Variants in PTPRG observed in about 807,000 individuals in gnomAD.
The protein encoded by PTPRG is protein tyrosine phosphatase receptor type G.
A neutral mutation model predicts 165.3 loss-of-function variants in PTPRG; 102 were observed. That is an observed-to-expected ratio of 0.62 (90% CI 0.53 to 0.73). PTPRG has a LOEUF of 0.73. Among genes scored for constraint, PTPRG ranks in the 30% least tolerant of loss-of-function variants. PTPRG has a pLI of 0.00. For synonymous variants in PTPRG, 675 were observed against 669.5 expected (o/e 1.01, Z -0.13); for missense variants, 1,866 against 1,861.4 (o/e 1.00, Z -0.05).
intron 1 of PTPRG, among the ~76,000 whole-genome samples, chr3:61,618,999 A>T (rs1701378943): frequency 7.7e-6 from 1 of 129,456 alleles, no homozygotes; most frequent in Admixed American, 8.0e-5. Flanking sequence ...AAAAAAAAAA[A>T]GTTAAAAACT....
chr3:62,116,658 G>A (rs1270136966), intron 5 of PTPRG, among the ~76,000 whole-genome samples: 1 of 152,116 alleles, frequency 6.6e-6, no homozygotes, highest in African/African-American at 2.4e-5. Flanking sequence ...GGAAATTTTT[G>A]TCTTCATCTG....
In PTPRG at chr3:62,124,321, G is replaced by T. The variant is rs1267110400; in HGVS notation, c.616-8281G>T. 1.9e-6 allele frequency: 3 copies of T among 1,609,618 alleles called. No individual in the cohort carries two copies. In the African/African-American group the frequency reaches 4.0e-5, roughly 22 times the overall value. ...TGGTCAGCGGCATCCTGGATGCCTG[G>T]TTCTGCCCGGGTCTCTGGTGATGCA... On this transcript the variant is annotated intron_variant, in intron 5 of 29. Coordinates refer to ENST00000474889, the MANE Select transcript of PTPRG (RefSeq NM_002841.4).
intron 2 of PTPRG, among the ~76,000 whole-genome samples, chr3:61,815,547 G>A (rs1382374088): frequency 6.6e-6 from 1 of 152,132 alleles, no homozygotes; most frequent in Non-Finnish European, 1.5e-5. Context: ...TCTCTCATTT[G>A]ATCTAATCAG....
chr3:61,774,219 A>G (rs530528218), intron 2 of PTPRG, among the ~76,000 whole-genome samples: 36 of 152,354 alleles, frequency 2.4e-4, no homozygotes, highest in Admixed American at 5.2e-4. Flanking sequence ...CAAAGTGCAG[A>G]TGAGTTTGAT....
At chr3:61,681,878 A>G (rs1289000860) in intron 1 of PTPRG, among the ~76,000 whole-genome samples, 8 of 152,146 alleles carry the variant, frequency 5.3e-5, no homozygotes, top group Admixed American at 3.3e-4. Context: ...GGCCGGGCGC[A>G]GTGGCTCACT....
rs142239273 is a variant in PTPRG at position 61,643,812 on chromosome 3, G to C, written c.85+81440G>C. Among the ~76,000 whole-genome samples the C allele has an allele frequency of 2.5e-3, 378 of 152,032 alleles. 4 individuals are homozygous for C. Among genetic ancestry groups the C allele is most frequent in the Non-Finnish European group, 4.3e-3 (295 of 67,980 alleles). ...CACTGTAACACAGTGAATGTATATA[G>C]AGGACAGTCAGCAAATGCTTATTGA... is the stretch of plus-strand genomic sequence containing the variant. On this transcript the variant is annotated intron_variant, in intron 1 of 29. Coordinates refer to ENST00000474889, the MANE Select transcript of PTPRG (RefSeq NM_002841.4).
At chr3:61,848,505 T>G (rs558113830) in intron 2 of PTPRG, among the ~76,000 whole-genome samples, 2 of 152,368 alleles carry the variant, frequency 1.3e-5, no homozygotes, top group East Asian at 3.9e-4. Context: ...AGGCTGTTCT[T>G]TTCCAAAGTG....
intron 5 of PTPRG, among the ~76,000 whole-genome samples, chr3:62,099,385 T>A (rs1650842786): frequency 6.6e-6 from 1 of 152,214 alleles, no homozygotes; most frequent in South Asian, 2.1e-4. Context: ...AAGAAAATAG[T>A]TCAAATACTA....
At chr3:62,026,240 T>G in intron 4 of PTPRG, among the ~76,000 whole-genome samples, 1 of 152,238 alleles carries the variant, frequency 6.6e-6, no homozygotes, top group East Asian at 1.9e-4. Flanking sequence ...TTAGCCTTAG[T>G]CTTTCTTGGT....
At chr3:61,970,856 C>G (rs1296367114) in intron 2 of PTPRG, among the ~76,000 whole-genome samples, 1 of 152,150 alleles carries the variant, frequency 6.6e-6, no homozygotes, top group Non-Finnish European at 1.5e-5. Flanking sequence ...CCACTTATTC[C>G]TGACACCATC....
At chr3:62,247,893 G>T (rs1334402777) in intron 15 of PTPRG, among the ~76,000 whole-genome samples, 1 of 152,154 alleles carries the variant, frequency 6.6e-6, no homozygotes, top group Non-Finnish European at 1.5e-5. Context: ...CTCCCTTTGA[G>T]ATAGCAGTTT....
intron 5 of PTPRG, among the ~76,000 whole-genome samples, chr3:62,127,002 A>G (rs1248440093): frequency 1.3e-5 from 2 of 152,264 alleles, no homozygotes; most frequent in Non-Finnish European, 2.9e-5. Context: ...CATTGGCTAT[A>G]CAAGAAGGAA....
chr3:62,275,635 A>G (rs888335747), intron 23 of PTPRG, among the ~76,000 whole-genome samples: 33 of 152,136 alleles, frequency 2.2e-4, no homozygotes, highest in Admixed American at 1.3e-4. Context: ...GTGCTGATGC[A>G]CCTGTGGTCC....
intron 3 of PTPRG, among the ~76,000 whole-genome samples, chr3:62,002,322 C>T (rs999877786): frequency 1.3e-5 from 2 of 152,186 alleles, no homozygotes; most frequent in Admixed American, 1.3e-4. Flanking sequence ...AGGATAAGTA[C>T]TTTCCCATGG....
chr3:62,009,121 A>G (rs1420732066), intron 4 of PTPRG, among the ~76,000 whole-genome samples: 1 of 152,248 alleles, frequency 6.6e-6, no homozygotes, highest in Non-Finnish European at 1.5e-5. Flanking sequence ...TACCAAATTC[A>G]TAAAAAGAAC....
At chr3:62,079,620 T>G (rs909882496) in intron 5 of PTPRG, among the ~76,000 whole-genome samples, 14 of 152,220 alleles carry the variant, frequency 9.2e-5, no homozygotes, top group African/African-American at 3.1e-4. Flanking sequence ...GTTGTCTGTT[T>G]ATGCTATGTA....
intron 1 of PTPRG, among the ~76,000 whole-genome samples, chr3:61,647,553 G>A (rs1702234949): frequency 6.6e-6 from 1 of 152,120 alleles, no homozygotes; most frequent in African/African-American, 2.4e-5. Flanking sequence ...CACTTTGGGA[G>A]GCCGAGGCGG....
intron 1 of PTPRG, among the ~76,000 whole-genome samples, chr3:61,723,093 T>A (rs2106799515): frequency 6.6e-6 from 1 of 152,256 alleles, no homozygotes; most frequent in East Asian, 1.9e-4. Context: ...TGATTTCCTG[T>A]CTCCTTTATT....
At chr3:62,031,683 G>A (rs1434668259) in intron 4 of PTPRG, among the ~76,000 whole-genome samples, 1 of 152,168 alleles carries the variant, frequency 6.6e-6, no homozygotes, top group East Asian at 1.9e-4. Flanking sequence ...AAGTGATGGT[G>A]GTTACTAATC....
Sources: allele counts gnomAD v4.1 joint callset (sites outside exome capture counted in the v4.1 genomes callset), GRCh38; gene constraint gnomAD v4.1.1; transcripts MANE v1.5; gene names NCBI Gene and HGNC (gene_info 2026-07-23, HGNC 2026-07-21).